MACROD2: variants seen among roughly 807,000 people sequenced by gnomAD.
MACROD2 encodes the protein mono-ADP ribosylhydrolase 2, also known as ADP-ribose glycohydrolase MACROD2.
MACROD2 carries 36 observed loss-of-function variants against 70.4 expected under a neutral mutation model. The observed-to-expected ratio is 0.51, with a 90% CI of 0.39 to 0.68. The LOEUF (loss-of-function observed/expected upper bound fraction) is 0.68, where lower values mean the gene tolerates loss of function less well. Ranked by LOEUF, MACROD2 falls within the 30% of genes least tolerant of loss-of-function variation. The pLI is 0.00. For synonymous variants in MACROD2, 172 were observed against 178.8 expected (o/e 0.96, Z 0.30); for missense variants, 496 against 538.4 (o/e 0.92, Z 0.78).
At chr20:15,668,668 T>C (rs1248610557) in intron 8 of MACROD2, among the ~76,000 whole-genome samples, 8 of 152,206 alleles carry the variant, frequency 5.3e-5, no homozygotes, top group African/African-American at 1.9e-4. Flanking sequence ...GGTCACCTGG[T>C]TTTGATGTTT....
intron 6 of MACROD2, among the ~76,000 whole-genome samples, chr20:15,374,408 C>G (rs372645311): frequency 1.8e-4 from 27 of 151,886 alleles, no homozygotes; most frequent in African/African-American, 6.5e-4. Flanking sequence ...TATATATAGT[C>G]TTATGGTCGC....
chr20:14,032,408 T>C (rs2053256363), intron 2 of MACROD2, among the ~76,000 whole-genome samples: 1 of 152,156 alleles, frequency 6.6e-6, no homozygotes, highest in Non-Finnish European at 1.5e-5. Flanking sequence ...AAAAGGTTTA[T>C]ACCCACATCA....
At chr20:15,034,265 G>A (rs1375985122) in intron 5 of MACROD2, among the ~76,000 whole-genome samples, 1 of 152,168 alleles carries the variant, frequency 6.6e-6, no homozygotes, top group Non-Finnish European at 1.5e-5. Flanking sequence ...TACTTTCCAT[G>A]ACACCTCACG....
At chr20:15,582,473 T>C (rs2048538640) in intron 8 of MACROD2, among the ~76,000 whole-genome samples, 1 of 152,198 alleles carries the variant, frequency 6.6e-6, no homozygotes, top group Non-Finnish European at 1.5e-5. Context: ...AATTTGGTTG[T>C]ATATCTGTAA....
At chr20:15,222,484 G>T (rs187747159) in intron 5 of MACROD2, among the ~76,000 whole-genome samples, 1 of 152,262 alleles carries the variant, frequency 6.6e-6, no homozygotes, top group East Asian at 1.9e-4. Context: ...AAATTGGCCA[G>T]TAAGATTTAC....
chr20:16,044,703 A>G lies in MACROD2; in HGVS notation c.1300+64A>G. On this transcript the variant is annotated intron_variant, in intron 17 of 17. Coordinates refer to ENST00000684519, the MANE Select transcript of MACROD2 (RefSeq NM_001351661.2). ...CAGCCATAAGAACTATTTGCAAATG[A>G]CATACTGGATTTCCCTTGGTTTTGC... The G allele has an allele frequency of 2.8e-6, 4 of 1,454,350 alleles. No individual in the cohort carries two copies. In the Admixed American group the frequency reaches 6.8e-5, roughly 25 times the overall value. The allele number at this position is 1,454,350 out of a possible 1,614,324, so 90.1% of individuals were successfully genotyped here.
At chr20:15,697,741 T>C (rs1177517148) in intron 8 of MACROD2, among the ~76,000 whole-genome samples, 1 of 152,218 alleles carries the variant, frequency 6.6e-6, no homozygotes, top group Non-Finnish European at 1.5e-5. Flanking sequence ...AGCTCCAGTG[T>C]CAGGTGCATA....
intron 3 of MACROD2, among the ~76,000 whole-genome samples, chr20:14,366,808 T>G (rs562024126): frequency 6.6e-6 from 1 of 152,302 alleles, no homozygotes; most frequent in East Asian, 1.9e-4. Context: ...GAGTCTCTTA[T>G]CACAGCATGT....
intron 3 of MACROD2, among the ~76,000 whole-genome samples, chr20:14,186,344 A>T (rs2081343777): frequency 1.3e-5 from 2 of 152,316 alleles, no homozygotes; most frequent in Admixed American, 6.5e-5. Flanking sequence ...CCAAAAAAAT[A>T]GATGAAAAAA....
intron 5 of MACROD2, among the ~76,000 whole-genome samples, chr20:14,871,377 G>GA (rs1312765335): frequency 6.6e-6 from 1 of 151,896 alleles, no homozygotes; most frequent in East Asian, 1.9e-4. Flanking sequence ...TAACGTTCTT[G>GA]AATAAAAGAA....
chr20:15,748,556 T>C (rs1161080506), intron 8 of MACROD2, among the ~76,000 whole-genome samples: 1 of 152,096 alleles, frequency 6.6e-6, no homozygotes, highest in Non-Finnish European at 1.5e-5. Flanking sequence ...GTGTTTCTTA[T>C]AAGACTCCCA....
intron 3 of MACROD2, among the ~76,000 whole-genome samples, chr20:14,265,933 C>T (rs894006598): frequency 4.6e-5 from 7 of 151,914 alleles, no homozygotes; most frequent in African/African-American, 1.7e-4. Context: ...CATGCCACCA[C>T]GCCTGGCTAA....
intron 5 of MACROD2, among the ~76,000 whole-genome samples, chr20:15,178,553 G>C (rs1787727443): frequency 6.6e-6 from 1 of 152,036 alleles, no homozygotes; most frequent in Non-Finnish European, 1.5e-5. Context: ...GAGATCTACA[G>C]AGGAGAAAGA....
Position 13,995,521 on chromosome 20 carries a change from G to C in MACROD2, c.-243G>C, listed in dbSNP as rs2052622607. The C allele has an allele frequency of 1.6e-6, 1 of 609,014 alleles. No individual in the cohort carries two copies. The highest frequency in any genetic ancestry group is 1.8e-5 in the South Asian group (1 of 54,826). 37.7% of individuals were successfully genotyped at this position (609,014 alleles called of 1,614,324 possible). A position where few individuals can be genotyped will look rare whatever the true frequency, so the allele number is the denominator to read the frequency against. On this transcript the variant is annotated 5_prime_UTR_variant, in exon 1 of 18. Transcript: ENST00000684519. The surrounding 1 kb of genome is among the most constrained non-coding windows in gnomAD (Gnocchi z 4.3). ...GCGCGAGGCGTGACCTAGTTGACAG[G>C]CTCTGAGGTGCTGCTGTGGCGGCGT...
intron 2 of MACROD2, among the ~76,000 whole-genome samples, chr20:14,017,571 GA>G (rs2053012003): frequency 6.6e-6 from 1 of 152,064 alleles, no homozygotes; most frequent in African/African-American, 2.4e-5. Context: ...AAGTTTAGAT[GA>G]TCATGTAGTT....
At chr20:15,772,101 A>AAAAAAAATATATATATATATATAT (rs1555777716) in intron 8 of MACROD2, among the ~76,000 whole-genome samples, 1 of 91,442 alleles carries the variant, frequency 1.1e-5, no homozygotes. Context: ...AAAAAAAAAA[A>AAAAAAAATATATATATATATATAT]ATATATATAT....
At chr20:15,047,283 G>A (rs370679331) in intron 5 of MACROD2, among the ~76,000 whole-genome samples, 39 of 152,248 alleles carry the variant, frequency 2.6e-4, no homozygotes, top group African/African-American at 9.1e-4. Context: ...GGCTGCAGCT[G>A]GCGTTTCCTT....
chr20:14,154,389 CTT>C (rs1183052263), intron 3 of MACROD2, among the ~76,000 whole-genome samples: 11 of 136,388 alleles, frequency 8.1e-5, no homozygotes, highest in Admixed American at 2.2e-4. Context: ...CTTTTCTTTT[CTT>C]TTTTTTTTTT....
At chr20:14,766,267 T>C (rs2072088169) in intron 5 of MACROD2, among the ~76,000 whole-genome samples, 1 of 152,034 alleles carries the variant, frequency 6.6e-6, no homozygotes, top group East Asian at 1.9e-4. Context: ...ATGCTATACT[T>C]CCCTCATTTA....
Sources: allele counts gnomAD v4.1 joint callset (sites outside exome capture counted in the v4.1 genomes callset), GRCh38; gene constraint gnomAD v4.1.1; non-coding constraint Gnocchi (gnomAD v3.1); transcripts MANE v1.5; gene names NCBI Gene and HGNC (gene_info 2026-07-23, HGNC 2026-07-21).